Variants in KCNQ3 observed in about 807,000 individuals in gnomAD.
KCNQ3 encodes potassium voltage-gated channel subfamily KQT member 3.
A neutral mutation model predicts 92.5 loss-of-function variants in KCNQ3; 30 were observed. That is an observed-to-expected ratio of 0.32 (90% CI 0.24 to 0.44). The LOEUF (loss-of-function observed/expected upper bound fraction) is 0.44, where lower values mean the gene tolerates loss of function less well. Ranked by LOEUF, KCNQ3 falls within the 20% of genes least tolerant of loss-of-function variation. The pLI is 1.00. For synonymous variants in KCNQ3, 450 were observed against 468.8 expected, an observed-to-expected ratio of 0.96 and a Z score of 0.52; for missense variants, 913 against 1,140.3, an observed-to-expected ratio of 0.80 and a Z score of 2.87.
intron 1 of KCNQ3, among the ~76,000 whole-genome samples, chr8:132,367,062 A>G (rs1819342573): frequency 6.6e-6 from 1 of 152,232 alleles, no homozygotes. Context: ...GGATAAAAGA[A>G]GGAGACATTA....
At chr8:132,448,937 A>T (rs1405959077) in intron 1 of KCNQ3, among the ~76,000 whole-genome samples, 2 of 152,186 alleles carry the variant, frequency 1.3e-5, no homozygotes, top group African/African-American at 4.8e-5. Flanking sequence ...CTCCTGAGAG[A>T]GAAAAAAGGC....
At chr8:132,402,980 T>C (rs1820378744) in intron 1 of KCNQ3, among the ~76,000 whole-genome samples, 1 of 112,578 alleles carries the variant, frequency 8.9e-6, no homozygotes, top group Non-Finnish European at 1.7e-5. Context: ...ATCGTGCCAC[T>C]GTACTCCAGC....
At chr8:132,331,989 C>A (rs1443138925) in intron 1 of KCNQ3, among the ~76,000 whole-genome samples, 1 of 152,166 alleles carries the variant, frequency 6.6e-6, no homozygotes, top group Non-Finnish European at 1.5e-5. Flanking sequence ...ACAGTCACAC[C>A]CTTGTGCAAT....
rs541677438 is a variant in KCNQ3 at position 132,399,612 on chromosome 8, A to G, written c.386+80535T>C. 5.1e-4 allele frequency among the ~76,000 whole-genome samples: 78 copies of G among 152,232 alleles called. 1 individual carries two copies. Among genetic ancestry groups the G allele is most frequent in the Non-Finnish European group, 9.6e-4 (65 of 68,036 alleles). ...CAAGAACTCACTCCTCCTGGATTGGAAGAACTTAATGGACACCTCCCATTA... is the reference window on the plus strand; with the variant it reads ...CAAGAACTCACTCCTCCTGGATTGGGAGAACTTAATGGACACCTCCCATTA... On this transcript the variant is annotated intron_variant, in intron 1 of 14. Coordinates refer to ENST00000388996, the MANE Select transcript of KCNQ3 (RefSeq NM_004519.4).
At chr8:132,162,282 A>G (rs774309541) in intron 9 of KCNQ3, among the ~76,000 whole-genome samples, 3 of 152,226 alleles carry the variant, frequency 2.0e-5, no homozygotes, top group Non-Finnish European at 4.4e-5. Flanking sequence ...AAGGCTCTAA[A>G]GGTAGATTTA....
chr8:132,211,317 C>T (rs1813844026), intron 1 of KCNQ3, among the ~76,000 whole-genome samples: 1 of 152,206 alleles, frequency 6.6e-6, no homozygotes, highest in Non-Finnish European at 1.5e-5. Flanking sequence ...GGTGAACTGA[C>T]TCAAGTTTTG....
At chr8:132,461,472 G>A (rs1822060707) in intron 1 of KCNQ3, among the ~76,000 whole-genome samples, 1 of 152,266 alleles carries the variant, frequency 6.6e-6, no homozygotes, top group East Asian at 1.9e-4. Context: ...GGCTGAGGCA[G>A]GAGAATTGCT....
chr8:132,439,089 T>C (rs868031399), intron 1 of KCNQ3, among the ~76,000 whole-genome samples: 4 of 151,494 alleles, frequency 2.6e-5, no homozygotes, highest in African/African-American at 9.7e-5. Context: ...AATACCCCCA[T>C]ACTTCCTACC....
At chr8:132,262,518 C>T (rs1011988671) in intron 1 of KCNQ3, among the ~76,000 whole-genome samples, 5 of 151,780 alleles carry the variant, frequency 3.3e-5, no homozygotes, top group Admixed American at 6.6e-5. Context: ...CTGAGCTGAG[C>T]GGTTCAGAAT....
chr8:132,186,253 G>T (rs1826952785), intron 1 of KCNQ3, 72 bp from the exon 2 acceptor site: 2 of 1,095,556 alleles, frequency 1.8e-6, no homozygotes, highest in Non-Finnish European at 2.8e-6. Context: ...GATGGGGAAA[G>T]GTGTCTTCCA....
At chr8:132,312,021 T>C (rs1010643893) in intron 1 of KCNQ3, among the ~76,000 whole-genome samples, 1 of 151,866 alleles carries the variant, frequency 6.6e-6, no homozygotes, top group African/African-American at 2.4e-5. Context: ...GGGGCAGAGA[T>C]GGAGTGATGC....
intron 1 of KCNQ3, among the ~76,000 whole-genome samples, chr8:132,282,151 G>A (rs1372626500): frequency 1.3e-5 from 2 of 152,116 alleles, no homozygotes; most frequent in Non-Finnish European, 2.9e-5. Context: ...AACACCATGA[G>A]ATAAAGAACT....
At chr8:132,230,453 G>GAGAGAGAGAGAGAGAGAGAGAGAGAC (rs1181327224) in intron 1 of KCNQ3, among the ~76,000 whole-genome samples, 31 of 35,944 alleles carry the variant, frequency 8.6e-4, no homozygotes, top group African/African-American at 7.1e-3. Context: ...GAGAGACAGA[G>GAGAGAGAGAGAGAGAGAGAGAGAGAC]AGAGAGAGAG....
Position 132,123,184 on chromosome 8 carries a change from C to G in KCNQ3, c.*6078G>C, listed in dbSNP as rs1341954085. 1 of 152,180 alleles carries G rather than the reference C, an allele frequency of 6.6e-6. No homozygotes were observed. Among genetic ancestry groups the G allele is most frequent in the East Asian group, 1.9e-4 (1 of 5,190 alleles). 9.4% of individuals were successfully genotyped at this position (152,180 alleles called of 1,614,324 possible). On this transcript the variant is annotated 3_prime_UTR_variant, in exon 15 of 15. Transcript: ENST00000388996. ...TTTAATTGGCCTATAGATGAGGATG[C>G]AACCTAAGGCATGACTGTTGCTGAA...
chr8:132,178,975 C>A (rs1168969265), intron 4 of KCNQ3, among the ~76,000 whole-genome samples: 2 of 145,222 alleles, frequency 1.4e-5, no homozygotes, highest in African/African-American at 2.6e-5. Flanking sequence ...ACAACAACAG[C>A]ATCTAGTATG....
intron 1 of KCNQ3, among the ~76,000 whole-genome samples, chr8:132,454,975 TCA>T (rs1257084746): frequency 6.6e-6 from 1 of 152,076 alleles, no homozygotes; most frequent in African/African-American, 2.4e-5. Flanking sequence ...GGTGTTAAAA[TCA>T]CAGACAGAAA....
intron 1 of KCNQ3, chr8:132,277,947 T>C: frequency 1.0e-6 from 1 of 985,352 alleles, no homozygotes; most frequent in Non-Finnish European, 1.2e-6. Context: ...GCTTTCCATT[T>C]GGCATTCCAC....
At chr8:132,138,581 T>C (rs1483446155) in intron 11 of KCNQ3, among the ~76,000 whole-genome samples, 4 of 152,206 alleles carry the variant, frequency 2.6e-5, no homozygotes, top group African/African-American at 7.2e-5. Flanking sequence ...TTTTCTCAGG[T>C]TCCTTATAAA....
intron 1 of KCNQ3, among the ~76,000 whole-genome samples, chr8:132,364,678 C>CAGACGGAT (rs1486708564): frequency 0.02 from 2,526 of 123,686 alleles, 65 homozygotes; most frequent in African/African-American, 0.082. Flanking sequence ...GATGGACGGA[C>CAGACGGAT]GGACGGACGG....
Sources: allele counts gnomAD v4.1 joint callset (sites outside exome capture counted in the v4.1 genomes callset), GRCh38; gene constraint gnomAD v4.1.1; transcripts MANE v1.5; gene names NCBI Gene and HGNC (gene_info 2026-07-23, HGNC 2026-07-21).